SNAPC3: variants seen among roughly 807,000 people sequenced by gnomAD.
SNAPC3 encodes the protein snRNA-activating protein complex subunit 3.
Under a neutral mutation model 47.7 loss-of-function variants are expected in SNAPC3, and 56 were observed. The ratio of observed to expected loss-of-function variants is 1.18; its 90% CI spans 0.95 to 1.47. SNAPC3 has a LOEUF of 1.47. Among genes scored for constraint, SNAPC3 ranks in the 40% most tolerant of loss-of-function variants. The probability of loss-of-function intolerance (pLI) is 0.00; values close to 1 mark genes in which losing one functional copy is unlikely to be tolerated. For synonymous variants in SNAPC3, 235 were observed against 189.9 expected (o/e 1.24, Z -1.95); for missense variants, 665 against 511.3 (o/e 1.30, Z -2.90).
At position 15,423,047 on chromosome 9, in the gene SNAPC3, C is replaced by G. The variant is rs753349834; in HGVS notation, c.168C>G (p.Arg56=). 3 of 1,513,798 alleles carry G rather than the reference C, an allele frequency of 2.0e-6. No homozygotes were observed. The highest frequency in any genetic ancestry group is 4.9e-5 in the Admixed American group (2 of 40,654). The allele number at this position is 1,513,798 out of a possible 1,614,324, so 93.8% of individuals were successfully genotyped here. The change falls in exon 1 of 9, where the codon CGC becomes CGG. Residue 56 remains arginine, a synonymous_variant. Coordinates refer to ENST00000380821, the MANE Select transcript of SNAPC3 (RefSeq NM_001039697.2). ...AFGELWRGRL[R]GAGDLSLREP... is the part of the protein sequence containing the mutation. The stretch of plus-strand genomic sequence containing the variant: ...GGGAGCTGTGGCGGGGCCGTCTGCG[C>G]GGGGCCGGGGACTTGTCGCTGAGGG...
chr9:15,437,798 G>C (rs1372655811), intron 3 of SNAPC3, among the ~76,000 whole-genome samples: 1 of 152,080 alleles, frequency 6.6e-6, no homozygotes, highest in Non-Finnish European at 1.5e-5. Flanking sequence ...AATGACATTA[G>C]AAATCAATAA....
In SNAPC3 at chr9:15,452,950, G is replaced by C. The variant is rs1036644836; in HGVS notation, c.816-91G>C. ...CTGTCCAGTTAGTTGGGTGAGCTAG[G>C]TTAATGTGAATTACTGCAATCACAA... On this transcript the variant is annotated intron_variant, in intron 6 of 8. Transcript: ENST00000380821. 8 of 1,070,640 alleles carry C rather than the reference G, an allele frequency of 7.5e-6. No individual in the cohort carries two copies. The East Asian group carries it at 2.0e-4, about 26-fold the overall frequency. The allele number at this position is 1,070,640 out of a possible 1,614,324, so 66.3% of individuals were successfully genotyped here.
Position 15,453,186 on chromosome 9 carries a change from A to G in SNAPC3, c.961A>G (p.Ile321Val), listed in dbSNP as rs762014901. ...TCATCAGGGAGACTGTGAACATGTCATTGTCATTACTGACATAAGGTAGGT... is the reference window on the plus strand; with the variant it reads ...TCATCAGGGAGACTGTGAACATGTCGTTGTCATTACTGACATAAGGTAGGT... ...YCHQGDCEHV[I>V]VITDIRLVHH... The change falls in exon 7 of 9, where the codon ATT becomes GTT. Residue 321 changes from isoleucine to valine, a missense_variant. By Grantham distance (29) the Ile-to-Val change is conservative. Coordinates refer to ENST00000380821, the MANE Select transcript of SNAPC3 (RefSeq NM_001039697.2). 1 of 1,612,586 alleles carries G rather than the reference A, an allele frequency of 6.2e-7. No homozygotes were observed. Among genetic ancestry groups the G allele is most frequent in the East Asian group, 2.2e-5 (1 of 44,818 alleles).
At chr9:15,430,304 C>A (rs1370992316) in intron 2 of SNAPC3, among the ~76,000 whole-genome samples, 1 of 152,116 alleles carries the variant, frequency 6.6e-6, no homozygotes, top group Non-Finnish European at 1.5e-5. Context: ...TGGTGGCACA[C>A]ACCTGTGCTC....
chr9:15,440,097 C>G (rs532052789), intron 3 of SNAPC3, among the ~76,000 whole-genome samples: 1 of 152,292 alleles, frequency 6.6e-6, no homozygotes, highest in South Asian at 2.1e-4. Context: ...TGGGTTGTCA[C>G]AGATTATGTC....
intron 3 of SNAPC3, among the ~76,000 whole-genome samples, chr9:15,442,820 G>C (rs996486212): frequency 6.6e-6 from 1 of 152,198 alleles, no homozygotes; most frequent in Non-Finnish European, 1.5e-5. Context: ...CAAGGCAGGC[G>C]GCTGGGAGGT....
intron 2 of SNAPC3, 49 bp downstream of exon 2, chr9:15,424,035 A>G (rs767779633): frequency 3.7e-5 from 42 of 1,124,152 alleles, no homozygotes; most frequent in Non-Finnish European, 5.0e-5. Flanking sequence ...CATTTTTTCA[A>G]CATTATGTTT....
At chr9:15,444,491 G>A (rs1448842610) in intron 3 of SNAPC3, 111 bp from the exon 4 acceptor site, 1 of 640,328 alleles carries the variant, frequency 1.6e-6, no homozygotes, top group Admixed American at 2.7e-5. Flanking sequence ...GTATAATTAG[G>A]TGTCAAACCC....
intron 3 of SNAPC3, among the ~76,000 whole-genome samples, chr9:15,443,288 G>A (rs928459287): frequency 2.6e-5 from 4 of 152,214 alleles, no homozygotes; most frequent in African/African-American, 9.6e-5. Context: ...ATAATTAATT[G>A]ACACTTTGAC....
chr9:15,443,683 C>T (rs1404308566), intron 3 of SNAPC3, among the ~76,000 whole-genome samples: 1 of 152,124 alleles, frequency 6.6e-6, no homozygotes, highest in African/African-American at 2.4e-5. Flanking sequence ...CGTACCTGGA[C>T]CAGGCACTCG....
intron 8 of SNAPC3, among the ~76,000 whole-genome samples, 179 bp from the exon 9 acceptor site, chr9:15,459,536 TAGAG>T (rs763280371): frequency 6.6e-6 from 1 of 152,172 alleles, no homozygotes; most frequent in Non-Finnish European, 1.5e-5. Flanking sequence ...TTTCGCTTTG[TAGAG>T]AGAGTATTGG....
At chr9:15,454,864 G>A (rs2034657269) in intron 7 of SNAPC3, among the ~76,000 whole-genome samples, 1 of 152,180 alleles carries the variant, frequency 6.6e-6, no homozygotes, top group Non-Finnish European at 1.5e-5. Context: ...AACCCGGGAG[G>A]TGGAGCATGC....
chr9:15,455,455 T>C (rs2034706665), intron 7 of SNAPC3, among the ~76,000 whole-genome samples: 1 of 152,046 alleles, frequency 6.6e-6, no homozygotes, highest in Non-Finnish European at 1.5e-5. Flanking sequence ...TAGTCCCAGC[T>C]ACTTGGGAGA....
In SNAPC3 at chr9:15,456,470, C is replaced by CT. The variant is rs113404009; in HGVS notation, c.981-1478dup. ...GAGTGTCAAAGACAAACAATTTACA[C>CT]TTTTTTTTTTTTCTTGAGAGGGGAT... On this transcript the variant is annotated intron_variant, in intron 7 of 8. Coordinates refer to ENST00000380821, the MANE Select transcript of SNAPC3 (RefSeq NM_001039697.2). Among the ~76,000 whole-genome samples, 748 of 147,112 alleles carry CT rather than the reference C, an allele frequency of 5.1e-3. 5 individuals carry two copies. The highest frequency in any genetic ancestry group is 0.015 in the African/African-American group (598 of 40,462).
intron 8 of SNAPC3, 120 bp downstream of exon 8, chr9:15,458,187 C>G: frequency 7.2e-6 from 4 of 554,680 alleles, no homozygotes; most frequent in Middle Eastern, 3.5e-4. Flanking sequence ...GAAGTATCAT[C>G]TAGTAGGGAA....
Position 15,433,637 on chromosome 9 carries a change from G to A in SNAPC3, c.477+1G>A. The stretch of plus-strand genomic sequence containing the variant: ...ACAAGAAACATTCGTTTATGAGATG[G>A]TAATTAAGAGTCTCATCTTTTTCAC... On this transcript the variant is annotated splice_donor_variant, in intron 3 of 8. Transcript: ENST00000380821. LOFTEE classifies it high-confidence loss of function. 2 of 1,550,644 alleles carry A rather than the reference G, an allele frequency of 1.3e-6. No homozygotes were observed. Among genetic ancestry groups the A allele is most frequent in the Non-Finnish European group, 1.8e-6 (2 of 1,125,992 alleles).
downstream of SNAPC3, chr9:15,465,661 A>G: frequency 8.3e-7 from 1 of 1,205,110 alleles, no homozygotes; most frequent in South Asian, 1.4e-5. Flanking sequence ...TCTGCATTAT[A>G]TTTTTAAACC....
intron 8 of SNAPC3, 118 bp downstream of exon 8, chr9:15,458,185 A>G (rs1362407195): frequency 1.8e-6 from 1 of 561,842 alleles, no homozygotes; most frequent in Admixed American, 3.8e-5. Context: ...ATGAAGTATC[A>G]TCTAGTAGGG....
At chr9:15,445,343 G>A (rs1440954404) in intron 4 of SNAPC3, among the ~76,000 whole-genome samples, 4 of 152,168 alleles carry the variant, frequency 2.6e-5, no homozygotes, top group East Asian at 1.9e-4. Context: ...TGCAGAATAG[G>A]TGGCTAATGG....
Sources: allele counts gnomAD v4.1 joint callset (sites outside exome capture counted in the v4.1 genomes callset), GRCh38; gene constraint gnomAD v4.1.1; transcripts MANE v1.5; gene names NCBI Gene and HGNC (gene_info 2026-07-23, HGNC 2026-07-21).